ZNF404: variants seen among roughly 807,000 people sequenced by gnomAD.
ZNF404 encodes zinc finger protein 404.
In ZNF404, 7 loss-of-function variants were observed where a neutral mutation model predicts 7.3. The ratio of observed to expected loss-of-function variants is 0.95; its 90% CI spans 0.54 to 1.79. ZNF404 has a LOEUF of 1.79. Among genes scored for constraint, ZNF404 ranks in the 40% most tolerant of loss-of-function variants. ZNF404 has a pLI of 0.00. For synonymous variants in ZNF404, 191 were observed against 209.9 expected (o/e 0.91, Z 0.78); for missense variants, 560 against 661.5 (o/e 0.85, Z 1.68).
Position 43,872,716 on chromosome 19 carries a change from A to T in ZNF404, c.1498T>A (p.Cys500Ser). The part of the protein sequence containing the change: ...TGEKPYECKE[C>S]DKAFNRSDRL... The stretch of plus-strand genomic sequence containing the variant: ...TCACTGCGATTAAAGGCCTTATCAC[A>T]TTCTTTACATTCATAGGGTTTTTCA... Residue 500 changes from cysteine (C) to serine (S), a missense_variant, in exon 3 of 3, where the codon TGT (cysteine) becomes AGT (serine). Transcript: ENST00000587539. This position sits in a 1 kb window ranked among gnomAD's most constrained non-coding sequence, Gnocchi z 4.4. 6.2e-7 allele frequency: 1 copy of T among 1,613,472 alleles called. No homozygotes were observed. The highest frequency in any genetic ancestry group is 8.5e-7 in the Non-Finnish European group (1 of 1,179,678).
At chr19:43,876,607 T>C (rs899856747) in intron 2 of ZNF404, among the ~76,000 whole-genome samples, 2 of 152,090 alleles carry the variant, frequency 1.3e-5, no homozygotes, top group African/African-American at 4.8e-5. Context: ...GAAAATAAAA[T>C]TTATCAAAAG....
At position 43,873,363 on chromosome 19, in the gene ZNF404, G is replaced by C. The variant is rs771276342; in HGVS notation, c.851C>G (p.Ser284Ter). ...KECGKAFGHRSSLYQHKKIHS... is the reference protein window; with the variant it reads ...KECGKAFGHR Reference sequence around the variant, plus strand: ...AATTTTCTTATGTTGGTAAAGACTTGAACGATGACCAAAAGCCTTTCCACA... The same window carrying C: ...AATTTTCTTATGTTGGTAAAGACTTCAACGATGACCAAAAGCCTTTCCACA... The change falls in exon 3 of 3, where the codon TCA (serine) becomes TGA (stop). Residue 284 changes from serine (S) to a stop codon, truncating the protein, a stop_gained. Transcript: ENST00000587539. LOFTEE classifies it low-confidence loss of function (END_TRUNC). 1 of 1,613,074 alleles carries C rather than the reference G, an allele frequency of 6.2e-7. No homozygotes were observed. The highest frequency in any genetic ancestry group is 2.2e-5 in the East Asian group (1 of 44,866).
intron 1 of ZNF404, among the ~76,000 whole-genome samples, chr19:43,883,333 A>C (rs1391792304): frequency 6.6e-6 from 1 of 152,080 alleles, no homozygotes; most frequent in African/African-American, 2.4e-5. Context: ...CCTGAGTTGG[A>C]ACACAGTAAT....
rs1296730949 is a variant in ZNF404, at chr19:43,872,858, A to C, written c.1356T>G (p.Ser452=). 1 of 1,608,318 alleles carries C rather than the reference A, an allele frequency of 6.2e-7. No homozygotes were observed. ...GAATTGTCTGATGATAAATTAGTTG[A>C]GAATTAAGTCTAAAGGTTTTTCCAC... ...KECGKTFRLN[S]QLIYHQTIHT... is the part of the protein sequence containing the mutation. Residue 452 remains serine (S), a synonymous_variant, in exon 3 of 3, where the codon TCT becomes TCG. Coordinates refer to ENST00000587539, the MANE Select transcript of ZNF404 (RefSeq NM_001033719.3). This position sits in a 1 kb window ranked among gnomAD's most constrained non-coding sequence, Gnocchi z 4.4.
At chr19:43,875,974 A>C (rs764299457) in intron 2 of ZNF404, among the ~76,000 whole-genome samples, 5 of 152,228 alleles carry the variant, frequency 3.3e-5, no homozygotes, top group African/African-American at 4.8e-5. Context: ...TAACATGCTT[A>C]CATCTAATTA....
At chr19:43,877,978 A>G (rs1234236612) in intron 2 of ZNF404, among the ~76,000 whole-genome samples, 3 of 134,610 alleles carry the variant, frequency 2.2e-5, no homozygotes, top group Non-Finnish European at 3.2e-5. Context: ...AATCCAGTCT[A>G]TCATTGTTGG....
intron 1 of ZNF404, among the ~76,000 whole-genome samples, chr19:43,882,663 TG>T (rs2146622659): frequency 6.6e-6 from 1 of 152,188 alleles, no homozygotes; most frequent in African/African-American, 2.4e-5. Flanking sequence ...TGGTGGCTTA[TG>T]CCTGTAATCT....
intron 1 of ZNF404, among the ~76,000 whole-genome samples, chr19:43,880,422 A>G (rs1971886597): frequency 6.6e-6 from 1 of 152,236 alleles, no homozygotes; most frequent in African/African-American, 2.4e-5. Context: ...AATAGTATAT[A>G]TAAGCACAAT....
chr19:43,874,963 A>G (rs1971841892), intron 2 of ZNF404, among the ~76,000 whole-genome samples: 1 of 152,176 alleles, frequency 6.6e-6, no homozygotes, highest in African/African-American at 2.4e-5. Context: ...TCATTGGAAA[A>G]GAGAGCTGAG....
Position 43,880,042 on chromosome 19 carries a change from A to G in ZNF404, c.104T>C (p.Met35Thr), listed in dbSNP as rs146536021. ...SDQRDLYRDV[M>T]LENYTNLVSL... ...GACCAAGTTAGTATAATTCTCCAAC[A>G]TCACATCTCTGTACAAATCCCTCTG... The change falls in exon 2 of 3, where the codon ATG (methionine) becomes ACG (threonine). Residue 35 changes from methionine to threonine, a missense_variant. Physicochemically the swap from Met to Thr is moderately conservative, Grantham distance 81. Coordinates refer to ENST00000587539, the MANE Select transcript of ZNF404 (RefSeq NM_001033719.3). 2.3e-4 allele frequency: 370 copies of G among 1,613,818 alleles called. 4 individuals are homozygous for G. In the East Asian group the frequency reaches 7.5e-3, roughly 33 times the overall value.
intron 2 of ZNF404, among the ~76,000 whole-genome samples, chr19:43,876,191 A>G (rs1404140929): frequency 3.9e-5 from 6 of 152,018 alleles, no homozygotes. Flanking sequence ...GCACACACCT[A>G]TAGTCCTAGC....
rs1971834887 is a variant in ZNF404 at position 43,874,049 on chromosome 19, C to G, written c.165G>C (p.Lys55Asn). 1.9e-6 allele frequency: 3 copies of G among 1,573,756 alleles called. No individual in the cohort carries two copies. Among genetic ancestry groups the G allele is most frequent in the African/African-American group, 2.8e-5 (2 of 72,562 alleles). Residue 55 changes from lysine (K) to asparagine (N), a missense_variant, in exon 3 of 3, where the codon AAG becomes AAC. Transcript: ENST00000587539. ...LDFNFTTESN[K>N]LSSEKRNYEV... ...CATAATTTCTTTTTTCTGAAGATAA[C>G]TTGTTGCTTTCAGTTGTGAAATTAA...
chr19:43,873,383 T>C lies in ZNF404; in HGVS notation c.831A>G (p.Gly277=). 2 of 1,613,326 alleles carry C rather than the reference T, an allele frequency of 1.2e-6. No individual in the cohort carries two copies. The highest frequency in any genetic ancestry group is 1.7e-6 in the Non-Finnish European group (2 of 1,179,550). The change falls in exon 3 of 3, where the codon GGA becomes GGG. Residue 277 remains glycine (G), a synonymous_variant. Transcript: ENST00000587539. ...GVKPYKCKEC[G]KAFGHRSSLY... ...GACTTGAACGATGACCAAAAGCCTT[T>C]CCACATTCTTTACATTTGTAGGGTT...
In ZNF404 at chr19:43,872,599, T is replaced by G; in HGVS notation, c.1615A>C (p.Ser539Arg). 1 of 1,610,492 alleles carries G rather than the reference T, an allele frequency of 6.2e-7. No individual in the cohort carries two copies. The highest frequency in any genetic ancestry group is 8.5e-7 in the Non-Finnish European group (1 of 1,178,218). Residue 539 changes from serine to arginine, a missense_variant, in exon 3 of 3, where the codon AGT (serine) becomes CGT (arginine). Transcript: ENST00000587539. The surrounding 1 kb of genome is among the most constrained non-coding windows in gnomAD (Gnocchi z 4.4). ...GKAFSHCYQL[S>R]QHQRFHHGER... ...CCATGGTGAAATCTTTGATGTTGAC[T>G]AAGTTGATAGCAATGACTAAAGGCC...
At chr19:43,880,173 A>G (rs1368590251) in intron 1 of ZNF404, 37 bp from the exon 2 acceptor site, 1 of 1,565,802 alleles carries the variant, frequency 6.4e-7, no homozygotes, top group Admixed American at 1.9e-5. Context: ...TGTAAAAGTA[A>G]AGAAGACTTT....
At chr19:43,879,176 G>A (rs1244484327) in intron 2 of ZNF404, among the ~76,000 whole-genome samples, 2 of 152,118 alleles carry the variant, frequency 1.3e-5, no homozygotes, top group Non-Finnish European at 2.9e-5. Context: ...ATAAAAGAAT[G>A]AAGATTTCAA....
intron 1 of ZNF404, 128 bp from the exon 2 acceptor site, chr19:43,880,264 A>G: frequency 1.3e-6 from 1 of 754,518 alleles, no homozygotes; most frequent in Non-Finnish European, 2.1e-6. Context: ...TGACATGGTT[A>G]GATAAGAGTA....
intron 2 of ZNF404, among the ~76,000 whole-genome samples, chr19:43,877,230 C>T (rs550690006): frequency 6.6e-6 from 1 of 152,138 alleles, no homozygotes; most frequent in South Asian, 2.1e-4. Context: ...AAAACAATAA[C>T]AACAAATAGA....
In ZNF404 at chr19:43,872,669, T is replaced by G; in HGVS notation, c.1545A>C (p.Thr515=). 6.2e-7 allele frequency: 1 copy of G among 1,613,306 alleles called. No individual in the cohort carries two copies. The highest frequency in any genetic ancestry group is 8.5e-7 in the Non-Finnish European group (1 of 1,179,590). ...TCTGTGGTTTCACACCAGTATGAAT[T>G]GTCTCATGTTGAGTAAGTCGATCAC... The part of the protein sequence containing the change: ...NRSDRLTQHE[T]IHTGVKPQKC... The change falls in exon 3 of 3, where the codon ACA becomes ACC. Residue 515 remains threonine (T), a synonymous_variant. Coordinates refer to ENST00000587539, the MANE Select transcript of ZNF404 (RefSeq NM_001033719.3). This position sits in a 1 kb window ranked among gnomAD's most constrained non-coding sequence, Gnocchi z 4.4.
Sources: gnomAD v4.1 joint callset for allele counts (sites outside exome capture counted in the v4.1 genomes callset) on GRCh38, gnomAD v4.1.1 for gene constraint, Gnocchi (gnomAD v3.1) non-coding constraint, MANE v1.5 for transcripts, NCBI Gene and HGNC (gene_info 2026-07-23, HGNC 2026-07-21) for gene names.